The following CCDC88C variants were observed in gnomAD, a reference collection of about 807,000 sequenced individuals.
The protein encoded by CCDC88C is protein Daple.
A neutral mutation model predicts 198.8 loss-of-function variants in CCDC88C; 131 were observed. The ratio of observed to expected loss-of-function variants is 0.66; its 90% CI spans 0.57 to 0.76. The LOEUF (loss-of-function observed/expected upper bound fraction) is 0.76, where lower values mean the gene tolerates loss of function less well. CCDC88C is among the 30% of genes least tolerant of loss of function. The pLI is 0.00. For synonymous variants in CCDC88C, 1,166 were observed against 1,114.7 expected (o/e 1.05, Z -0.92); for missense variants, 2,553 against 2,631.6 (o/e 0.97, Z 0.65).
chr14:91,374,057 C>G (rs1296486303), intron 3 of CCDC88C, among the ~76,000 whole-genome samples: 1 of 152,224 alleles, frequency 6.6e-6, no homozygotes, highest in African/African-American at 2.4e-5. Flanking sequence ...CTGAATCCCC[C>G]CAGGGCTCTG....
chr14:91,354,333 G>A (rs141607154), intron 4 of CCDC88C, among the ~76,000 whole-genome samples: 59 of 152,356 alleles, frequency 3.9e-4, no homozygotes, highest in African/African-American at 1.4e-3. Flanking sequence ...AGGCCTGGCT[G>A]CTGAGCAAGA....
chr14:91,391,550 G>A (rs1369349134), intron 3 of CCDC88C, among the ~76,000 whole-genome samples: 2 of 152,084 alleles, frequency 1.3e-5, no homozygotes, highest in African/African-American at 2.4e-5. Flanking sequence ...AGGCCGAGGC[G>A]GGCAGATCAC....
At chr14:91,378,796 T>A (rs1884612104) in intron 3 of CCDC88C, 1 of 152,254 alleles carries the variant, frequency 6.6e-6, no homozygotes, top group African/African-American at 2.4e-5. Context: ...AGAATCCACC[T>A]ACATCACTGA....
Position 91,408,426 on chromosome 14 carries a change from A to G in CCDC88C, c.270+233T>C, listed in dbSNP as rs1223018967. The G allele has an allele frequency of 8.3e-6, 4 of 479,092 alleles. No homozygotes were observed. The Admixed American group carries it at 9.8e-5, about 12-fold the overall frequency. The allele number at this position is 479,092 out of a possible 1,614,324, so 29.7% of individuals were successfully genotyped here. ...CTCCTCTCTGGGACCTTCACAGCAT[A>G]TAGCACGATGCTACACACAGCTCAA... On this transcript the variant is annotated intron_variant, in intron 3 of 29. Transcript: ENST00000389857.
intron 10 of CCDC88C, among the ~76,000 whole-genome samples, chr14:91,335,589 T>C (rs541132732): frequency 6.6e-6 from 1 of 152,094 alleles, no homozygotes; most frequent in African/African-American, 2.4e-5. Flanking sequence ...AGCACAGCAC[T>C]GATGGTGTTG....
chr14:91,291,138 GA>G, intron 23 of CCDC88C, 54 bp from the exon 24 acceptor site: 1 of 1,049,844 alleles, frequency 9.5e-7, no homozygotes, highest in East Asian at 2.6e-5. Context: ...TCAAACAAGT[GA>G]ATTTACTCAT....
At chr14:91,281,546 G>C in intron 26 of CCDC88C, 21 bp from the exon 27 acceptor site, 2 of 1,610,900 alleles carry the variant, frequency 1.2e-6, no homozygotes. Flanking sequence ...AATAAGGCTA[G>C]TGAGTCATGG....
In CCDC88C at chr14:91,273,734, C is replaced by T; in HGVS notation, c.5059-81G>A. ...GAGCCGCCTCCTGCGCGGGACGCCC[C>T]CGAGCAGCCCACGTGGCTGGGACCG... On this transcript the variant is annotated intron_variant, in intron 29 of 29. Coordinates refer to ENST00000389857, the MANE Select transcript of CCDC88C (RefSeq NM_001080414.4). The surrounding 1 kb of genome is among the most constrained non-coding windows in gnomAD (Gnocchi z 5.6). 2 of 1,262,572 alleles carry T rather than the reference C, an allele frequency of 1.6e-6. No homozygotes were observed. Among genetic ancestry groups the T allele is most frequent in the Non-Finnish European group, 2.1e-6 (2 of 959,640 alleles). 78.2% of individuals were successfully genotyped at this position (1,262,572 alleles called of 1,614,324 possible). A position where few individuals can be genotyped will look rare whatever the true frequency, so the allele number is the denominator to read the frequency against.
chr14:91,281,913 G>T (rs1235448884), intron 26 of CCDC88C, among the ~76,000 whole-genome samples: 1 of 152,214 alleles, frequency 6.6e-6, no homozygotes, highest in Non-Finnish European at 1.5e-5. Context: ...TCAGGTGGTA[G>T]GAGGAAGAAG....
At chr14:91,367,744 G>C (rs1453079277) in intron 3 of CCDC88C, among the ~76,000 whole-genome samples, 2 of 152,160 alleles carry the variant, frequency 1.3e-5, no homozygotes, top group Non-Finnish European at 2.9e-5. Context: ...GCCAGGAAAT[G>C]TATTAACTGC....
intron 14 of CCDC88C, 128 bp from the exon 15 acceptor site, chr14:91,314,278 G>A: frequency 1.4e-6 from 1 of 716,134 alleles, no homozygotes; most frequent in Non-Finnish European, 2.3e-6. Context: ...GACACTGCCT[G>A]TGCGTTCCCC....
intron 2 of CCDC88C, among the ~76,000 whole-genome samples, chr14:91,411,317 C>T (rs1886775999): frequency 6.6e-6 from 1 of 152,184 alleles, no homozygotes; most frequent in Admixed American, 6.5e-5. Flanking sequence ...GCTCACTGGG[C>T]TTCAGTGTTC....
chr14:91,289,092 C>CGTCCT lies in CCDC88C; in HGVS notation c.4441+12_4441+13insAGGAC, dbSNP rs1261543285. 4.4e-6 allele frequency: 7 copies of CGTCCT among 1,605,820 alleles called. No individual in the cohort carries two copies. The Admixed American group carries it at 1.2e-4, about 27-fold the overall frequency. On this transcript the variant is annotated intron_variant, in intron 25 of 29. Coordinates refer to ENST00000389857, the MANE Select transcript of CCDC88C (RefSeq NM_001080414.4). Reference sequence around the variant, plus strand: ...CTTCCTCACCCGACCACGGCCAGGACGGCCGCCCCTACCTTTCCCCACAGA... The same window carrying CGTCCT: ...CTTCCTCACCCGACCACGGCCAGGACGTCCTGGCCGCCCCTACCTTTCCCCACAGA...
At chr14:91,295,743 G>C (rs182374714) in intron 22 of CCDC88C, among the ~76,000 whole-genome samples, 5 of 152,248 alleles carry the variant, frequency 3.3e-5, no homozygotes, top group Admixed American at 2.6e-4. Flanking sequence ...ATGCTGCTTC[G>C]CTTCTGCCAC....
intron 3 of CCDC88C, among the ~76,000 whole-genome samples, chr14:91,397,156 A>T (rs1347314122): frequency 6.6e-6 from 1 of 152,166 alleles, no homozygotes; most frequent in East Asian, 1.9e-4. Flanking sequence ...CCGATGTGTC[A>T]ATGTCCAGAG....
chr14:91,363,855 T>C (rs1404350258), intron 3 of CCDC88C, among the ~76,000 whole-genome samples: 2 of 152,252 alleles, frequency 1.3e-5, no homozygotes, highest in African/African-American at 4.8e-5. Context: ...GCCCTCAGTC[T>C]GGCAGGGACG....
intron 6 of CCDC88C, among the ~76,000 whole-genome samples, chr14:91,341,122 C>T (rs1893292308): frequency 6.6e-6 from 1 of 152,236 alleles, no homozygotes; most frequent in South Asian, 2.1e-4. Flanking sequence ...CCTCTCCCCA[C>T]CTTAAAAGGC....
At position 91,314,124 on chromosome 14, in the gene CCDC88C, G is replaced by A. The variant is rs780941524; in HGVS notation, c.1692C>T (p.Asp564=). 3 of 1,612,218 alleles carry A rather than the reference G, an allele frequency of 1.9e-6. No homozygotes were observed. The highest frequency in any genetic ancestry group is 2.5e-6 in the Non-Finnish European group (3 of 1,179,300). The change falls in exon 15 of 30, where the codon GAC becomes GAT. Residue 564 remains aspartate (D), a synonymous_variant. Coordinates refer to ENST00000389857, the MANE Select transcript of CCDC88C (RefSeq NM_001080414.4). ...RQIKDLEQEK[D]HLNRAMWSLR... Reference sequence around the variant, plus strand: ...GCGACCACATGGCTCGGTTGAGGTGGTCCTTTTCCTGCTCAAGGTCCTTGA... The same window carrying A: ...GCGACCACATGGCTCGGTTGAGGTGATCCTTTTCCTGCTCAAGGTCCTTGA...
intron 3 of CCDC88C, among the ~76,000 whole-genome samples, chr14:91,388,670 A>C (rs970781291): frequency 1.2e-4 from 19 of 152,214 alleles, no homozygotes; most frequent in Admixed American, 2.0e-4. Flanking sequence ...AAAACAGAGA[A>C]TGACTTAAAA....
Sources: gnomAD v4.1 joint callset for allele counts (sites outside exome capture counted in the v4.1 genomes callset) on GRCh38, gnomAD v4.1.1 for gene constraint, Gnocchi (gnomAD v3.1) non-coding constraint, MANE v1.5 for transcripts, NCBI Gene and HGNC (gene_info 2026-07-23, HGNC 2026-07-21) for gene names.